Variants in RAI1 observed in about 807,000 individuals in gnomAD.
The protein encoded by RAI1 is retinoic acid-induced protein 1.
In RAI1, 9 loss-of-function variants were observed where a neutral mutation model predicts 123.8. The observed-to-expected ratio is 0.07, with a 90% confidence interval of 0.04 to 0.13. The LOEUF (loss-of-function observed/expected upper bound fraction) is 0.13, where lower values mean the gene tolerates loss of function less well. Among genes scored for constraint, RAI1 ranks in the 10% least tolerant of loss-of-function variants. RAI1 has a pLI of 1.00. For synonymous variants in RAI1, 1,231 were observed against 1,127.3 expected (o/e 1.09, Z -1.84); for missense variants, 2,256 against 2,545.8 (o/e 0.89, Z 2.45).
At chr17:17,752,894 C>T (rs752298032) in intron 2 of RAI1, among the ~76,000 whole-genome samples, 112 of 152,264 alleles carry the variant, frequency 7.4e-4, no homozygotes, top group Non-Finnish European at 1.3e-3. Flanking sequence ...ACACGTGTGC[C>T]TCAGGGCAGG....
chr17:17,740,598 C>T (rs1018573988), intron 2 of RAI1, among the ~76,000 whole-genome samples: 1 of 152,154 alleles, frequency 6.6e-6, no homozygotes, highest in Non-Finnish European at 1.5e-5. Flanking sequence ...TGAATTTGCC[C>T]CAGGCCACGT....
chr17:17,700,418 G>T (rs1393399245), intron 1 of RAI1, among the ~76,000 whole-genome samples: 1 of 151,746 alleles, frequency 6.6e-6, no homozygotes, highest in Non-Finnish European at 1.5e-5. Context: ...GCGCCCCGCC[G>T]CCCCTCGGCG....
At chr17:17,703,084 G>C (rs1044065414) in intron 1 of RAI1, among the ~76,000 whole-genome samples, 1 of 152,182 alleles carries the variant, frequency 6.6e-6, no homozygotes, top group East Asian at 1.9e-4. Context: ...AGTAAGCAGT[G>C]AGCAGGGCTC....
At position 17,794,457 on chromosome 17, in the gene RAI1, C is replaced by T; in HGVS notation, c.1509C>T (p.Ser503=). 6.2e-7 allele frequency: 1 copy of T among 1,612,582 alleles called. No homozygotes were observed. Among genetic ancestry groups the T allele is most frequent in the Non-Finnish European group, 8.5e-7 (1 of 1,179,830 alleles). ...CACCGCTGTCAGAGCCGCCGAGCAG[C>T]ACGCCACAGTCCACGCATGCGGAGC... ...AGTPLSEPPS[S]TPQSTHAEPQ... Residue 503 remains serine, a synonymous_variant, in exon 3 of 6, where the codon AGC becomes AGT. Transcript: ENST00000353383.
intron 2 of RAI1, among the ~76,000 whole-genome samples, chr17:17,738,502 A>T (rs569095210): frequency 6.6e-6 from 1 of 152,252 alleles, no homozygotes; most frequent in South Asian, 2.1e-4. Context: ...GCTGCCCTAC[A>T]CGGCCTTGGG....
In RAI1 at chr17:17,797,027, C is replaced by A. The variant is rs2143002878; in HGVS notation, c.4079C>A (p.Ser1360Tyr). ...GASPGNPLSPSLSDKDRGLKG... is the reference protein window; with the variant it reads ...GASPGNPLSPYLSDKDRGLKG... ...TCTCCTGGTAATCCTCTGAGCCCAT[C>A]CCTTTCCGACAAAGACCGTGGGCTC... The change falls in exon 3 of 6, where the codon TCC becomes TAC. Residue 1360 changes from serine to tyrosine, a missense_variant. Physicochemically the swap from Ser to Tyr is moderately radical, Grantham distance 144. Transcript: ENST00000353383. 1 of 1,613,930 alleles carries A rather than the reference C, an allele frequency of 6.2e-7. No homozygotes were observed. Among genetic ancestry groups the A allele is most frequent in the Non-Finnish European group, 8.5e-7 (1 of 1,180,048 alleles).
chr17:17,766,866 G>T (rs2030954343), intron 2 of RAI1, among the ~76,000 whole-genome samples: 2 of 152,144 alleles, frequency 1.3e-5, no homozygotes, highest in African/African-American at 4.8e-5. Context: ...ATAGATGGTG[G>T]CAGGGGCCAG....
chr17:17,689,783 C>A, intron 1 of RAI1, among the ~76,000 whole-genome samples: 1 of 152,218 alleles, frequency 6.6e-6, no homozygotes, highest in African/African-American at 2.4e-5. Flanking sequence ...TCAAGTCCAG[C>A]ATCAGGTACA....
intron 1 of RAI1, among the ~76,000 whole-genome samples, chr17:17,718,119 C>T (rs1044065008): frequency 1.3e-5 from 2 of 152,130 alleles, no homozygotes; most frequent in African/African-American, 2.4e-5. Flanking sequence ...CTGAGATGTA[C>T]TCCCTCTCCC....
chr17:17,796,734 G>T lies in RAI1; in HGVS notation c.3786G>T (p.Arg1262Ser). The T allele has an allele frequency of 6.2e-7, 1 of 1,613,500 alleles. No homozygotes were observed. ...ATGGGGGAGATGGGAAGGAGGAGAG[G>T]CCTGAGGGTTCCCCCACCCTCTTCA... ...SGNGGDGKEERPEGSPTLFKR... is the reference protein window; with the variant it reads ...SGNGGDGKEESPEGSPTLFKR... The change falls in exon 3 of 6, where the codon AGG becomes AGT. Residue 1262 changes from arginine (R) to serine (S), a missense_variant. Transcript: ENST00000353383. This position sits in a 1 kb window ranked among gnomAD's most constrained non-coding sequence, Gnocchi z 5.8.
At chr17:17,749,661 C>A (rs1234395917) in intron 2 of RAI1, among the ~76,000 whole-genome samples, 1 of 152,210 alleles carries the variant, frequency 6.6e-6, no homozygotes, top group East Asian at 1.9e-4. Context: ...CTCTGCTGGT[C>A]TTTCTTGCCT....
In RAI1 at chr17:17,796,610, C is replaced by T. The variant is rs372960870; in HGVS notation, c.3662C>T (p.Ala1221Val). 15 of 1,612,052 alleles carry T rather than the reference C, an allele frequency of 9.3e-6. No individual in the cohort carries two copies. In the East Asian group the frequency reaches 1.1e-4, roughly 12 times the overall value. ...GSKLSDRPLHALKRKSAFMAP... is the reference protein window; with the variant it reads ...GSKLSDRPLHVLKRKSAFMAP... ...AAGCTCTCTGACCGGCCCCTCCATGCGCTCAAAAGGAAGTCGGCCTTCATG... is the reference window on the plus strand; with the variant it reads ...AAGCTCTCTGACCGGCCCCTCCATGTGCTCAAAAGGAAGTCGGCCTTCATG... The change falls in exon 3 of 6, where the codon GCG becomes GTG. Residue 1221 changes from alanine to valine, a missense_variant. Physicochemically the swap from Ala to Val is moderately conservative, Grantham distance 64. This residue lies in a region of RAI1 where 322 missense variants were observed against 358.0 expected (regional missense o/e 0.90). Coordinates refer to ENST00000353383, the MANE Select transcript of RAI1 (RefSeq NM_030665.4). The surrounding 1 kb of genome is among the most constrained non-coding windows in gnomAD (Gnocchi z 5.8).
At chr17:17,711,488 A>G (rs949642448) in intron 1 of RAI1, among the ~76,000 whole-genome samples, 3 of 152,172 alleles carry the variant, frequency 2.0e-5, no homozygotes, top group Non-Finnish European at 4.4e-5. Flanking sequence ...GGCCTACGGC[A>G]TGCTGGACAC....
At chr17:17,785,769 T>C (rs770232736) in intron 2 of RAI1, among the ~76,000 whole-genome samples, 1 of 152,108 alleles carries the variant, frequency 6.6e-6, no homozygotes, top group Non-Finnish European at 1.5e-5. Flanking sequence ...CCTGCGTTGC[T>C]CTGCTTATCT....
intron 2 of RAI1, among the ~76,000 whole-genome samples, chr17:17,789,552 G>A (rs945449919): frequency 6.6e-6 from 1 of 152,164 alleles, no homozygotes; most frequent in African/African-American, 2.4e-5. Flanking sequence ...CTTGGAGTGA[G>A]GACACCCATT....
intron 2 of RAI1, among the ~76,000 whole-genome samples, chr17:17,738,267 C>T (rs747701791): frequency 2.5e-4 from 38 of 150,848 alleles, no homozygotes; most frequent in South Asian, 4.2e-4. Context: ...CTGCTGCCTC[C>T]TCCCACATCT....
At chr17:17,783,370 T>C (rs2142999189) in intron 2 of RAI1, among the ~76,000 whole-genome samples, 1 of 151,808 alleles carries the variant, frequency 6.6e-6, no homozygotes, top group Non-Finnish European at 1.5e-5. Context: ...GCGGCGTCTT[T>C]GGTGCGCTTT....
chr17:17,740,987 G>A (rs1206464292), intron 2 of RAI1, among the ~76,000 whole-genome samples: 1 of 152,006 alleles, frequency 6.6e-6, no homozygotes, highest in African/African-American at 2.4e-5. Flanking sequence ...GGCAGTGTGG[G>A]GAGAGGGCAG....
chr17:17,803,601 GTAT>G (rs1315969689), intron 3 of RAI1, among the ~76,000 whole-genome samples, 152 bp from the exon 4 acceptor site: 3 of 152,126 alleles, frequency 2.0e-5, no homozygotes, highest in African/African-American at 7.2e-5. Context: ...GCCCAGGCTG[GTAT>G]CAAACTCCTG....
Sources: allele counts gnomAD v4.1 joint callset (sites outside exome capture counted in the v4.1 genomes callset), GRCh38; gene constraint gnomAD v4.1.1; regional missense constraint gnomAD v4.1.1; non-coding constraint Gnocchi (gnomAD v3.1); transcripts MANE v1.5; gene names NCBI Gene and HGNC (gene_info 2026-07-23, HGNC 2026-07-21).